Variants in STOX1 observed in about 807,000 individuals in gnomAD.
STOX1 encodes the protein storkhead-box protein 1.
STOX1 carries 57 observed loss-of-function variants against 74.8 expected under a neutral mutation model. The ratio of observed to expected loss-of-function variants is 0.76; its 90% confidence interval spans 0.62 to 0.95. The LOEUF is 0.95. Ranked by LOEUF, STOX1 falls within the 40% of genes least tolerant of loss-of-function variation. The pLI, the probability that STOX1 is intolerant of heterozygous loss-of-function variation, is 0.00. For synonymous variants in STOX1, 375 were observed against 401.3 expected (o/e 0.93, Z 0.78); for missense variants, 1,010 against 1,117.0 (o/e 0.90, Z 1.37).
At chr10:68,829,446 G>C (rs1413170861) in intron 1 of STOX1, among the ~76,000 whole-genome samples, 1 of 152,230 alleles carries the variant, frequency 6.6e-6, no homozygotes. Flanking sequence ...GAATCCAGGA[G>C]GTGGTGGTTG....
chr10:68,867,787 T>C (rs1157181072), intron 1 of STOX1, among the ~76,000 whole-genome samples: 1 of 152,252 alleles, frequency 6.6e-6, no homozygotes, highest in Non-Finnish European at 1.5e-5. Context: ...ATATGCCTTT[T>C]TGAGTGCACT....
chr10:68,879,994 A>G (rs1321707541), intron 1 of STOX1, among the ~76,000 whole-genome samples: 1 of 152,124 alleles, frequency 6.6e-6, no homozygotes, highest in East Asian at 1.9e-4. Context: ...TACTGGGACC[A>G]TTGTTCATCC....
At chr10:68,870,559 G>C (rs923865897) in intron 1 of STOX1, among the ~76,000 whole-genome samples, 6 of 152,152 alleles carry the variant, frequency 3.9e-5, no homozygotes, top group Non-Finnish European at 7.3e-5. Context: ...GGTGTAATTA[G>C]GTTATGGACA....
intron 1 of STOX1, chr10:68,846,954 T>G (rs1319535000): frequency 6.6e-6 from 1 of 152,162 alleles, no homozygotes; most frequent in Admixed American, 6.6e-5. Context: ...TTCGGGAGAA[T>G]TCACATCTTA....
chr10:68,844,465 A>G (rs1179529766), intron 1 of STOX1, among the ~76,000 whole-genome samples: 2 of 151,446 alleles, frequency 1.3e-5, no homozygotes, highest in African/African-American at 2.4e-5. Context: ...CACCCAGCAC[A>G]TTTTTGTATT....
chr10:68,829,303 C>T (rs1839346646), intron 1 of STOX1, among the ~76,000 whole-genome samples: 1 of 152,188 alleles, frequency 6.6e-6, no homozygotes, highest in South Asian at 2.1e-4. Flanking sequence ...GCTGAAACCC[C>T]TCAGGAGTTC....
Position 68,884,766 on chromosome 10 carries a change from G to C in STOX1, c.970G>C (p.Glu324Gln), listed in dbSNP as rs200076324. The C allele has an allele frequency of 6.2e-7, 1 of 1,614,070 alleles. No homozygotes were observed. Among genetic ancestry groups the C allele is most frequent in the Non-Finnish European group, 8.5e-7 (1 of 1,180,044 alleles). Reference protein sequence around the residue: ...SLLWRSLSRKEKPKTEHSSFS... With the variant: ...SLLWRSLSRKQKPKTEHSSFS... ...CTTATGGCGCAGCTTATCTAGAAAG[G>C]AGAAGCCCAAAACAGAACACAGCAG... Residue 324 changes from glutamate (E) to glutamine (Q), a missense_variant, in exon 3 of 4, where the codon GAG (glutamate) becomes CAG (glutamine). Coordinates refer to ENST00000298596, the MANE Select transcript of STOX1 (RefSeq NM_152709.5).
intron 1 of STOX1, among the ~76,000 whole-genome samples, chr10:68,836,685 C>G (rs1839563631): frequency 6.6e-6 from 1 of 152,164 alleles, no homozygotes; most frequent in African/African-American, 2.4e-5. Context: ...AGCCCCCCAG[C>G]CTATCCTCTC....
downstream of STOX1, chr10:68,895,353 A>T (rs1841172371): frequency 6.6e-6 from 1 of 152,234 alleles, no homozygotes; most frequent in African/African-American, 2.4e-5. Context: ...AATCAAGCTC[A>T]TTATGAAACC....
intron 1 of STOX1, among the ~76,000 whole-genome samples, chr10:68,856,447 A>G (rs1046345431): frequency 6.6e-6 from 1 of 152,032 alleles, no homozygotes; most frequent in Non-Finnish European, 1.5e-5. Context: ...TCTGCTGCTC[A>G]CAGAGGTTTC....
intron 1 of STOX1, among the ~76,000 whole-genome samples, chr10:68,837,204 CATATGT>C (rs1352854822): frequency 6.6e-6 from 1 of 152,194 alleles, no homozygotes; most frequent in Admixed American, 6.5e-5. Context: ...GAATCCCATG[CATATGT>C]GTATGTGTAT....
chr10:68,843,562 T>G (rs936490555), intron 1 of STOX1, among the ~76,000 whole-genome samples: 1 of 151,998 alleles, frequency 6.6e-6, no homozygotes, highest in Non-Finnish European at 1.5e-5. Context: ...GTTGTTGTGA[T>G]GGAATTTCAC....
chr10:68,827,576 G>C lies in STOX1; in HGVS notation c.-48G>C. On this transcript the variant is annotated 5_prime_UTR_variant, in exon 1 of 4. Coordinates refer to ENST00000298596, the MANE Select transcript of STOX1 (RefSeq NM_152709.5). Reference sequence around the variant, plus strand: ...CCGAGCGAGCGGCGTCGTAGCCGCCGCGCTCGCCGAGGCCCTGCGTTGCGG... The same window carrying C: ...CCGAGCGAGCGGCGTCGTAGCCGCCCCGCTCGCCGAGGCCCTGCGTTGCGG... 9.1e-7 allele frequency: 1 copy of C among 1,100,664 alleles called. No homozygotes were observed. The highest frequency in any genetic ancestry group is 1.1e-6 in the Non-Finnish European group (1 of 901,222). The allele number at this position is 1,100,664 out of a possible 1,614,324, so 68.2% of individuals were successfully genotyped here.
Position 68,827,676 on chromosome 10 carries a change from G to A in STOX1, c.53G>A (p.Arg18Gln), listed in dbSNP as rs556362193. The change falls in exon 1 of 4, where the codon CGG becomes CAG. Residue 18 changes from arginine (R) to glutamine (Q), a missense_variant. By Grantham distance (43) the Arg-to-Gln change is conservative. Transcript: ENST00000298596. ...GGCTCGCTGGCGCTAGTGCTGTGCC[G>A]GCTGGAGGCGCAGAAGGCGGCGGGG... is the stretch of plus-strand genomic sequence containing the variant. ...APGSLALVLC[R>Q]LEAQKAAGAA... 6 of 1,121,904 alleles carry A rather than the reference G, an allele frequency of 5.3e-6. No individual in the cohort carries two copies. The highest frequency in any genetic ancestry group is 4.6e-5 in the East Asian group (1 of 21,628). 69.5% of individuals were successfully genotyped at this position (1,121,904 alleles called of 1,614,324 possible). A position where few individuals can be genotyped will look rare whatever the true frequency, so the allele number is the denominator to read the frequency against.
intron 1 of STOX1, among the ~76,000 whole-genome samples, chr10:68,860,296 G>C (rs1418785671): frequency 6.6e-6 from 1 of 151,364 alleles, no homozygotes; most frequent in South Asian, 2.1e-4. Context: ...ATTGGTCCAG[G>C]CATGGTGGCT....
chr10:68,873,300 A>T (rs2394492), intron 1 of STOX1, among the ~76,000 whole-genome samples: 5 of 144,968 alleles, frequency 3.4e-5, no homozygotes, highest in Non-Finnish European at 7.5e-5. Context: ...TCGCTCTGTC[A>T]CCCAGGCTGG....
intron 1 of STOX1, among the ~76,000 whole-genome samples, chr10:68,879,862 C>T (rs10998470): frequency 1.3e-5 from 2 of 151,986 alleles, no homozygotes; most frequent in African/African-American, 4.8e-5. Flanking sequence ...CACAGGGCAG[C>T]CTCCCACCGC....
chr10:68,889,712 C>T lies in STOX1; in HGVS notation c.2823-2877C>T, dbSNP rs960886321. On this transcript the variant is annotated intron_variant, in intron 3 of 3. Coordinates refer to ENST00000298596, the MANE Select transcript of STOX1 (RefSeq NM_152709.5). Reference sequence around the variant, plus strand: ...CCAAATAGCTGGGATTACAGGCACACACCACCAGGCCCAGCTAATTTTTGT... The same window carrying T: ...CCAAATAGCTGGGATTACAGGCACATACCACCAGGCCCAGCTAATTTTTGT... 1.8e-4 allele frequency among the ~76,000 whole-genome samples: 28 copies of T among 152,230 alleles called. No homozygotes were observed. In the South Asian group the frequency reaches 5.4e-3, roughly 29 times the overall value.
chr10:68,850,710 A>C (rs925293289), intron 1 of STOX1, among the ~76,000 whole-genome samples: 1 of 152,248 alleles, frequency 6.6e-6, no homozygotes, highest in African/African-American at 2.4e-5. Context: ...ACAGTGGCTC[A>C]CGCCTGTAAT....
Sources: gnomAD v4.1 joint callset for allele counts (sites outside exome capture counted in the v4.1 genomes callset) on GRCh38, gnomAD v4.1.1 for gene constraint, MANE v1.5 for transcripts, NCBI Gene and HGNC (gene_info 2026-07-23, HGNC 2026-07-21) for gene names.